GABRG3: variants seen among roughly 807,000 people sequenced by gnomAD.
GABRG3 encodes the protein gamma-aminobutyric acid type A receptor subunit gamma3.
A neutral mutation model predicts 48.8 loss-of-function variants in GABRG3; 25 were observed. The ratio of observed to expected loss-of-function variants is 0.51; its 90% CI spans 0.37 to 0.72. GABRG3 has a LOEUF of 0.72. Ranked by LOEUF, GABRG3 falls within the 30% of genes least tolerant of loss-of-function variation. The pLI is 0.00. For missense variants in GABRG3, 394 were observed against 577.9 expected (o/e 0.68, Z 3.26); for synonymous variants, 227 against 217.6 (o/e 1.04, Z -0.38).
intron 5 of GABRG3, among the ~76,000 whole-genome samples, chr15:27,381,873 T>C (rs2140565038): frequency 6.6e-6 from 1 of 152,286 alleles, no homozygotes; most frequent in Non-Finnish European, 1.5e-5. Flanking sequence ...AATTTCAGGG[T>C]TCATAATTTG....
intron 2 of GABRG3, among the ~76,000 whole-genome samples, chr15:27,023,753 A>C (rs1595478420): frequency 6.6e-6 from 1 of 152,334 alleles, no homozygotes; most frequent in African/African-American, 2.4e-5. Context: ...GCTACTGTGA[A>C]TAATATTAGC....
chr15:27,125,838 T>C (rs1897810675), intron 3 of GABRG3, among the ~76,000 whole-genome samples: 1 of 152,268 alleles, frequency 6.6e-6, no homozygotes, highest in African/African-American at 2.4e-5. Flanking sequence ...ACTGTGGCAC[T>C]CGTCCTCAAG....
chr15:27,046,151 T>C (rs1030084630), intron 3 of GABRG3, among the ~76,000 whole-genome samples: 2 of 152,184 alleles, frequency 1.3e-5, no homozygotes, highest in African/African-American at 2.4e-5. Context: ...TGGAGTGCAA[T>C]GGCACGATCT....
At chr15:27,257,991 T>C (rs1276586098) in intron 3 of GABRG3, among the ~76,000 whole-genome samples, 1 of 152,156 alleles carries the variant, frequency 6.6e-6, no homozygotes, top group African/African-American at 2.4e-5. Flanking sequence ...TAAGGCTTCA[T>C]AGTTCAAAAG....
chr15:27,234,883 G>T (rs1248574538), intron 3 of GABRG3, among the ~76,000 whole-genome samples: 1 of 152,150 alleles, frequency 6.6e-6, no homozygotes, highest in Non-Finnish European at 1.5e-5. Context: ...GGCCACCTGG[G>T]CTCCTGCAGC....
At chr15:27,101,874 A>G (rs1566935923) in intron 3 of GABRG3, among the ~76,000 whole-genome samples, 1 of 152,002 alleles carries the variant, frequency 6.6e-6, no homozygotes, top group Non-Finnish European at 1.5e-5. Context: ...AAATTCTGAA[A>G]AAAATATCAT....
chr15:27,321,288 GACTC>G lies in GABRG3; in HGVS notation c.271-5520_271-5517del, dbSNP rs1893417246. On this transcript the variant is annotated intron_variant, in intron 3 of 9. Coordinates refer to ENST00000615808, the MANE Select transcript of GABRG3 (RefSeq NM_033223.5). ...AAATCTAGCACAGTGCCCCGCAAAG[GACTC>G]TTAATAAGGGAGGTGCCTGGGCTAA... Among the ~76,000 whole-genome samples the G allele has an allele frequency of 2.0e-5, 3 of 152,160 alleles. No homozygotes were observed. The South Asian group carries it at 6.2e-4, about 32-fold the overall frequency.
intron 4 of GABRG3, 93 bp downstream of exon 4, chr15:27,327,122 A>G: frequency 9.0e-7 from 1 of 1,114,394 alleles, no homozygotes. Context: ...TTTCATCTCT[A>G]AGTCTATTCT....
chr15:27,130,597 A>G (rs1057066120), intron 3 of GABRG3, among the ~76,000 whole-genome samples: 18 of 152,120 alleles, frequency 1.2e-4, no homozygotes, highest in Admixed American at 7.2e-4. Flanking sequence ...GAATTTTAAT[A>G]GAGATTACAT....
At chr15:27,217,166 C>T (rs1889287630) in intron 3 of GABRG3, among the ~76,000 whole-genome samples, 1 of 151,938 alleles carries the variant, frequency 6.6e-6, no homozygotes, top group South Asian at 2.1e-4. Context: ...TTTTCTTAAT[C>T]CAGTCTATCA....
chr15:27,223,338 A>G (rs904953934), intron 3 of GABRG3, among the ~76,000 whole-genome samples: 3 of 152,224 alleles, frequency 2.0e-5, no homozygotes, highest in Non-Finnish European at 2.9e-5. Context: ...AATCGCTGAG[A>G]CAAGTATTGC....
At chr15:27,131,771 G>A (rs532742024) in intron 3 of GABRG3, among the ~76,000 whole-genome samples, 5 of 151,656 alleles carry the variant, frequency 3.3e-5, no homozygotes, top group Admixed American at 2.0e-4. Flanking sequence ...CCTCATCAGC[G>A]GTTCTCCTTT....
At chr15:27,412,799 T>A (rs113449686) in intron 5 of GABRG3, among the ~76,000 whole-genome samples, 103 of 152,318 alleles carry the variant, frequency 6.8e-4, no homozygotes, top group African/African-American at 2.4e-3. Flanking sequence ...AAATCATTTC[T>A]TTGAAGGAAA....
intron 2 of GABRG3, among the ~76,000 whole-genome samples, chr15:27,004,316 C>T (rs867982248): frequency 1.3e-5 from 2 of 151,330 alleles, no homozygotes; most frequent in East Asian, 4.0e-4. Context: ...GACGGGGTGG[C>T]GGGGCAGAGG....
At chr15:27,530,681 G>A (rs770690554) in intron 9 of GABRG3, 3 of 471,046 alleles carry the variant, frequency 6.4e-6, no homozygotes, top group South Asian at 4.6e-5. Context: ...AGCCATCCCC[G>A]CATCAGCAGA....
At chr15:27,010,948 C>T (rs1221368919) in intron 2 of GABRG3, among the ~76,000 whole-genome samples, 4 of 152,076 alleles carry the variant, frequency 2.6e-5, no homozygotes, top group African/African-American at 7.2e-5. Flanking sequence ...CGGGTTCCAG[C>T]GATTCTCCTG....
chr15:27,504,648 G>A (rs1052372584), intron 6 of GABRG3, among the ~76,000 whole-genome samples: 4 of 151,904 alleles, frequency 2.6e-5, no homozygotes, highest in Non-Finnish European at 4.4e-5. Flanking sequence ...TACCATTTCC[G>A]GGACTGACAT....
chr15:27,060,645 C>T (rs1896628733), intron 3 of GABRG3, among the ~76,000 whole-genome samples: 1 of 152,122 alleles, frequency 6.6e-6, no homozygotes. Flanking sequence ...AGTCCCTGCC[C>T]AAAAGGAAAA....
intron 2 of GABRG3, among the ~76,000 whole-genome samples, chr15:26,989,057 G>T (rs1895201209): frequency 6.6e-6 from 1 of 152,136 alleles, no homozygotes; most frequent in Non-Finnish European, 1.5e-5. Context: ...TCACTCAGGG[G>T]TAGTCACTCC....
Sources: gnomAD v4.1 joint callset for allele counts (sites outside exome capture counted in the v4.1 genomes callset) on GRCh38, gnomAD v4.1.1 for gene constraint, MANE v1.5 for transcripts, NCBI Gene and HGNC (gene_info 2026-07-23, HGNC 2026-07-21) for gene names.